The following UNC79 variants were observed in gnomAD, a reference collection of about 807,000 sequenced individuals.
UNC79 encodes the protein unc-79 subunit of NALCN channel complex.
A neutral mutation model predicts 283.1 loss-of-function variants in UNC79; 37 were observed. The ratio of observed to expected loss-of-function variants is 0.13; its 90% confidence interval spans 0.10 to 0.17. The LOEUF is 0.17. Among genes scored for constraint, UNC79 ranks in the 10% least tolerant of loss-of-function variants. The probability of loss-of-function intolerance (pLI) is 1.00; values close to 1 mark genes in which losing one functional copy is unlikely to be tolerated. For missense variants in UNC79, 2,272 were observed against 3,211.1 expected (o/e 0.71, Z 7.07); for synonymous variants, 1,107 against 1,200.2 (o/e 0.92, Z 1.61).
intron 20 of UNC79, among the ~76,000 whole-genome samples, chr14:93,585,158 TA>T (rs1237899367): frequency 6.6e-6 from 1 of 152,222 alleles, no homozygotes; most frequent in Non-Finnish European, 1.5e-5. Context: ...AGGATGCAGT[TA>T]TAAATTGTCT....
At chr14:93,618,690 C>T (rs1351551196) in intron 29 of UNC79, among the ~76,000 whole-genome samples, 1 of 152,196 alleles carries the variant, frequency 6.6e-6, no homozygotes, top group Non-Finnish European at 1.5e-5. Flanking sequence ...GGTTGGCACA[C>T]AGTGGAGCCA....
In UNC79 at chr14:93,369,586, A is replaced by G. The variant is rs142289502; in HGVS notation, c.-351+36063A>G. 8.3e-3 allele frequency among the ~76,000 whole-genome samples: 1,264 copies of G among 152,312 alleles called. 7 individuals carry two copies. Among genetic ancestry groups the G allele is most frequent in the Middle Eastern group, 0.024 (7 of 294 alleles). On this transcript the variant is annotated intron_variant, in intron 1 of 49. Transcript: ENST00000256339. ...TAGGAAAACCTGAACTGTAATTGGC[A>G]TATTAGTAGAGGCTCAGTGTGAATG...
intron 5 of UNC79, 48 bp downstream of exon 5, chr14:93,487,803 A>G (rs377355230): frequency 3.9e-6 from 6 of 1,551,448 alleles, no homozygotes; most frequent in Non-Finnish European, 5.3e-6. Flanking sequence ...CCAATAATTA[A>G]ACAAGACATC....
chr14:93,618,837 G>T (rs1018547950), intron 29 of UNC79, among the ~76,000 whole-genome samples: 1 of 152,104 alleles, frequency 6.6e-6, no homozygotes, highest in Non-Finnish European at 1.5e-5. Flanking sequence ...AAACATTTTT[G>T]CTGCATAGGT....
At chr14:93,704,560 A>G (rs1250079122) in intron 47 of UNC79, 65 bp from the exon 51 acceptor site, 3 of 1,576,386 alleles carry the variant, frequency 1.9e-6, no homozygotes, top group Non-Finnish European at 2.6e-6. Flanking sequence ...TTCCCTTGCA[A>G]TGAGCGAAGC....
chr14:93,653,796 C>T (rs1425441305), exon 36 of UNC79: 8 of 1,614,102 alleles, frequency 5.0e-6, no homozygotes, highest in Non-Finnish European at 5.9e-6. Context: ...TGCGCTGCAT[C>T]TTCCATCAGT....
chr14:93,580,296 T>C (rs946956780), exon 19 of UNC79: 2 of 1,614,156 alleles, frequency 1.2e-6, no homozygotes, highest in Admixed American at 1.7e-5. Context: ...GTGCAACTTA[T>C]GTCAGTCTAG....
intron 26 of UNC79, among the ~76,000 whole-genome samples, chr14:93,608,355 T>C (rs77674426): frequency 0.017 from 2,621 of 152,314 alleles, 73 homozygotes; most frequent in African/African-American, 0.06. Flanking sequence ...GGGAGCTTTC[T>C]ACCAGCTGGA....
At chr14:93,518,441 AT>A (rs796863750) in intron 7 of UNC79, among the ~76,000 whole-genome samples, 13 of 148,200 alleles carry the variant, frequency 8.8e-5, no homozygotes, top group East Asian at 2.0e-4. Context: ...TGAATTTTCA[AT>A]TTTTTTTTTG....
At chr14:93,355,010 T>C (rs774385557) in intron 1 of UNC79, among the ~76,000 whole-genome samples, 6 of 151,928 alleles carry the variant, frequency 3.9e-5, no homozygotes, top group Non-Finnish European at 8.8e-5. Flanking sequence ...TCTTTGTCTT[T>C]AGTGTAGCTC....
chr14:93,377,463 G>A (rs913648511), intron 1 of UNC79, among the ~76,000 whole-genome samples: 2 of 152,088 alleles, frequency 1.3e-5, no homozygotes, highest in African/African-American at 4.8e-5. Context: ...GCAACCACAA[G>A]GGGAAGAGGA....
At chr14:93,437,917 C>T (rs1212551842) in intron 1 of UNC79, among the ~76,000 whole-genome samples, 2 of 152,116 alleles carry the variant, frequency 1.3e-5, no homozygotes, top group Non-Finnish European at 2.9e-5. Context: ...ACCCTATTTC[C>T]AAATGAGGTC....
intron 26 of UNC79, chr14:93,604,937 G>T: frequency 6.3e-7 from 1 of 1,586,804 alleles, no homozygotes; most frequent in Non-Finnish European, 8.5e-7. Context: ...TCCAGCTCTC[G>T]GTGGGACACC....
intron 35 of UNC79, among the ~76,000 whole-genome samples, chr14:93,647,275 A>G (rs906103296): frequency 6.6e-6 from 1 of 152,234 alleles, no homozygotes; most frequent in South Asian, 2.1e-4. Context: ...CGGAACTTAC[A>G]TTCTACTTGA....
chr14:93,582,304 G>A (rs77374094), exon 20 of UNC79: 1 of 1,614,156 alleles, frequency 6.2e-7, no homozygotes, highest in Non-Finnish European at 8.5e-7. Context: ...GCAAGCATGG[G>A]GAGAACCCAG....
chr14:93,599,407 CA>C (rs2142021566), intron 24 of UNC79, among the ~76,000 whole-genome samples: 1 of 152,046 alleles, frequency 6.6e-6, no homozygotes, highest in African/African-American at 2.4e-5. Context: ...CACTGTCTCC[CA>C]ATCCAGTGTA....
At chr14:93,634,174 GC>G (rs2140115842) in intron 31 of UNC79, among the ~76,000 whole-genome samples, 1 of 152,280 alleles carries the variant, frequency 6.6e-6, no homozygotes, top group South Asian at 2.1e-4. Context: ...AGAAAGTTAA[GC>G]CATACATTTA....
chr14:93,483,637 C>G (rs1432513727), intron 4 of UNC79, among the ~76,000 whole-genome samples: 2 of 151,288 alleles, frequency 1.3e-5, no homozygotes, highest in Non-Finnish European at 2.9e-5. Flanking sequence ...GTCCCATTAA[C>G]TCATCATTTA....
chr14:93,587,027 A>G, intron 22 of UNC79, 119 bp downstream of exon 22: 1 of 1,180,986 alleles, frequency 8.5e-7, no homozygotes, highest in Non-Finnish European at 1.2e-6. Context: ...GGACAGCTCG[A>G]TTGCCTATGA....
Sources: gnomAD v4.1 joint callset for allele counts (sites outside exome capture counted in the v4.1 genomes callset) on GRCh38, gnomAD v4.1.1 for gene constraint, MANE v1.5 for transcripts, NCBI Gene and HGNC (gene_info 2026-07-23, HGNC 2026-07-21) for gene names.